Variants in EFNA5 observed in about 807,000 individuals in gnomAD.
EFNA5 encodes the protein ephrin A5, also known as ephrin-A5.
In EFNA5, 5 loss-of-function variants were observed where a neutral mutation model predicts 22.9. The ratio of observed to expected loss-of-function variants is 0.22; its 90% CI spans 0.11 to 0.46. EFNA5 has a LOEUF of 0.46. EFNA5 is among the 20% of genes least tolerant of loss of function. The pLI is 0.99. For missense variants in EFNA5, 237 were observed against 293.3 expected (o/e 0.81, Z 1.40); for synonymous variants, 113 against 112.2 (o/e 1.01, Z -0.04).
intron 4 of EFNA5, among the ~76,000 whole-genome samples, chr5:107,383,954 A>G (rs932850216): frequency 8.5e-5 from 13 of 152,186 alleles, no homozygotes; most frequent in Admixed American, 4.6e-4. Flanking sequence ...CTGCCCCCCA[A>G]AAGGAAATCA....
intron 1 of EFNA5, among the ~76,000 whole-genome samples, chr5:107,540,068 G>A (rs1277341569): frequency 6.6e-6 from 1 of 151,864 alleles, no homozygotes; most frequent in Non-Finnish European, 1.5e-5. Flanking sequence ...CTAAGAGGGT[G>A]AAGGAATGCT....
intron 1 of EFNA5, among the ~76,000 whole-genome samples, chr5:107,555,988 C>T (rs182490104): frequency 2.0e-5 from 3 of 152,312 alleles, no homozygotes; most frequent in Admixed American, 6.5e-5. Flanking sequence ...ACACAGTCTA[C>T]GCTGCTGGAC....
intron 1 of EFNA5, among the ~76,000 whole-genome samples, chr5:107,489,314 C>A (rs1016928796): frequency 2.1e-4 from 32 of 152,078 alleles, no homozygotes; most frequent in Non-Finnish European, 1.5e-4. Context: ...GCTGGGATTA[C>A]AGGCACGTGC....
chr5:107,455,182 T>C (rs1749664759), intron 1 of EFNA5, among the ~76,000 whole-genome samples: 1 of 152,196 alleles, frequency 6.6e-6, no homozygotes. Flanking sequence ...TGTGGTGTCA[T>C]GGCAGGCAAA....
At chr5:107,418,464 G>T (rs1481144707) in intron 2 of EFNA5, among the ~76,000 whole-genome samples, 1 of 152,152 alleles carries the variant, frequency 6.6e-6, no homozygotes, top group Non-Finnish European at 1.5e-5. Flanking sequence ...AGGATAAAAA[G>T]AACAATCCTT....
intron 1 of EFNA5, among the ~76,000 whole-genome samples, chr5:107,638,044 G>A (rs761083853): frequency 1.1e-4 from 17 of 150,776 alleles, no homozygotes; most frequent in Non-Finnish European, 2.2e-4. Context: ...TAGTAGAGAC[G>A]GGGTTTCACC....
intron 2 of EFNA5, among the ~76,000 whole-genome samples, chr5:107,412,903 G>GT (rs2112404178): frequency 6.6e-6 from 1 of 152,310 alleles, no homozygotes; most frequent in South Asian, 2.1e-4. Context: ...GACCACCAGT[G>GT]TATTTCAAAC....
At chr5:107,622,845 C>A (rs1433911987) in intron 1 of EFNA5, among the ~76,000 whole-genome samples, 2 of 151,076 alleles carry the variant, frequency 1.3e-5, no homozygotes, top group Non-Finnish European at 2.9e-5. Flanking sequence ...CGAGGTGAAA[C>A]CCCGTCTCTA....
intron 1 of EFNA5, among the ~76,000 whole-genome samples, chr5:107,448,627 G>A (rs1006268593): frequency 2.6e-5 from 4 of 151,886 alleles, no homozygotes; most frequent in South Asian, 2.1e-4. Flanking sequence ...TCAGGAGTTC[G>A]AGACCAGCCT....
chr5:107,484,133 C>A (rs1468633696), intron 1 of EFNA5, among the ~76,000 whole-genome samples: 8 of 152,148 alleles, frequency 5.3e-5, no homozygotes, highest in Non-Finnish European at 1.0e-4. Context: ...ATGGTAACTC[C>A]TAATTAGTGC....
intron 1 of EFNA5, among the ~76,000 whole-genome samples, chr5:107,485,454 C>A (rs1742411732): frequency 6.6e-6 from 1 of 152,118 alleles, no homozygotes; most frequent in South Asian, 2.1e-4. Flanking sequence ...ACAGCAAGTC[C>A]TATTACTACT....
intron 2 of EFNA5, among the ~76,000 whole-genome samples, chr5:107,407,643 A>G (rs1384755374): frequency 6.6e-6 from 1 of 152,230 alleles, no homozygotes; most frequent in Non-Finnish European, 1.5e-5. Context: ...AATTTTTAGG[A>G]ATTAAATGTT....
chr5:107,652,162 C>T (rs1750747804), intron 1 of EFNA5, among the ~76,000 whole-genome samples: 1 of 152,178 alleles, frequency 6.6e-6, no homozygotes, highest in Admixed American at 6.6e-5. Context: ...CCTACCTCTT[C>T]AGCCCATGCT....
At chr5:107,611,771 T>C (rs1167979973) in intron 1 of EFNA5, among the ~76,000 whole-genome samples, 3 of 152,344 alleles carry the variant, frequency 2.0e-5, no homozygotes, top group Non-Finnish European at 4.4e-5. Context: ...AGGGCTCGGA[T>C]GGGCATTTTT....
At chr5:107,381,737 G>C (rs3797506) in intron 4 of EFNA5, among the ~76,000 whole-genome samples, 76,535 of 151,632 alleles carry the variant, frequency 0.5, 20,379 homozygotes, top group Non-Finnish European at 0.59. Context: ...AGGCAAGCAA[G>C]TGACATGTTG....
chr5:107,400,535 G>T (rs1380856166), intron 2 of EFNA5, among the ~76,000 whole-genome samples: 1 of 152,076 alleles, frequency 6.6e-6, no homozygotes, highest in Non-Finnish European at 1.5e-5. Context: ...TTTGTTTCCT[G>T]GTTTATTGTC....
intron 1 of EFNA5, among the ~76,000 whole-genome samples, chr5:107,440,854 A>C (rs1259305151): frequency 6.6e-6 from 1 of 152,164 alleles, no homozygotes; most frequent in African/African-American, 2.4e-5. Flanking sequence ...ATGCTATGTG[A>C]TGGTAAATGT....
chr5:107,661,699 C>T (rs1750963769), intron 1 of EFNA5, among the ~76,000 whole-genome samples: 1 of 152,148 alleles, frequency 6.6e-6, no homozygotes, highest in Admixed American at 6.5e-5. Context: ...CATTTGTCTC[C>T]ATAAAATTAA....
chr5:107,486,710 T>C (rs1746630990), intron 1 of EFNA5, among the ~76,000 whole-genome samples: 1 of 152,184 alleles, frequency 6.6e-6, no homozygotes, highest in Non-Finnish European at 1.5e-5. Flanking sequence ...ACCACAAGAC[T>C]GAAGAGGCCT....
Sources: gnomAD v4.1 joint callset for allele counts (sites outside exome capture counted in the v4.1 genomes callset) on GRCh38, gnomAD v4.1.1 for gene constraint, MANE v1.5 for transcripts, NCBI Gene and HGNC (gene_info 2026-07-23, HGNC 2026-07-21) for gene names.